Variants in DNM3 observed in about 807,000 individuals in gnomAD.
DNM3 encodes the protein dynamin-3.
In DNM3, 47 loss-of-function variants were observed where a neutral mutation model predicts 101.6. That is an observed-to-expected ratio of 0.46 (90% confidence interval 0.37 to 0.59). The LOEUF (loss-of-function observed/expected upper bound fraction) is 0.59, where lower values mean the gene tolerates loss of function less well. DNM3 is among the 20% of genes least tolerant of loss of function. The pLI, the probability that DNM3 is intolerant of heterozygous loss-of-function variation, is 0.00. For missense variants in DNM3, 849 were observed against 1,085.7 expected (o/e 0.78, Z 3.06); for synonymous variants, 385 against 387.9 (o/e 0.99, Z 0.09).
intron 2 of DNM3, among the ~76,000 whole-genome samples, chr1:171,922,392 C>T (rs1452767269): frequency 6.6e-6 from 1 of 151,486 alleles, no homozygotes; most frequent in Non-Finnish European, 1.5e-5. Context: ...TATTTCTTCT[C>T]TCGTGAATTG....
intron 12 of DNM3, 53 bp from the exon 13 acceptor site, chr1:172,092,771 T>C (rs1244832079): frequency 6.6e-7 from 1 of 1,511,634 alleles, no homozygotes; most frequent in Non-Finnish European, 8.9e-7. Flanking sequence ...GTTACTTGTT[T>C]AGGAAAAAAT....
In DNM3 at chr1:172,062,214, C is replaced by G. The variant is rs2051288483; in HGVS notation, c.1336-6605C>G. ...TTTTAACTGCTCATTAATATGTCTA[C>G]CAGAGATAAACTTGGGAAGAGAGAG... On this transcript the variant is annotated intron_variant, in intron 10 of 20. Transcript: ENST00000627582. Among the ~76,000 whole-genome samples, 4 of 152,162 alleles carry G rather than the reference C, an allele frequency of 2.6e-5. No individual in the cohort carries two copies. The South Asian group carries it at 8.3e-4, about 32-fold the overall frequency.
chr1:172,312,852 A>C (rs1045459024), intron 16 of DNM3, among the ~76,000 whole-genome samples: 1 of 152,154 alleles, frequency 6.6e-6, no homozygotes, highest in Non-Finnish European at 1.5e-5. Context: ...CAGCCCTACT[A>C]TTTTTCCATA....
intron 1 of DNM3, among the ~76,000 whole-genome samples, chr1:171,897,382 A>G (rs1347216176): frequency 6.6e-6 from 1 of 152,248 alleles, no homozygotes. Context: ...AATATTTTAC[A>G]TATTTTTCCC....
At chr1:172,091,484 A>T (rs572067357) in intron 12 of DNM3, among the ~76,000 whole-genome samples, 1 of 152,332 alleles carries the variant, frequency 6.6e-6, no homozygotes, top group South Asian at 2.1e-4. Context: ...CTTGAAAGAG[A>T]TGTTGGGAAC....
rs545425736 is a variant in DNM3 at position 172,407,980 on chromosome 1, G to A, written c.*139G>A. On this transcript the variant is annotated 3_prime_UTR_variant, in exon 21 of 21. Coordinates refer to ENST00000627582, the MANE Select transcript of DNM3 (RefSeq NM_015569.5). ...AACCAGTTTTACTAATGCATTCATC[G>A]CTCATCTTCATTGCTCATGGTATGT... 1.2e-5 allele frequency: 19 copies of A among 1,528,976 alleles called. No individual in the cohort carries two copies. Among genetic ancestry groups the A allele is most frequent in the African/African-American group, 9.6e-5 (7 of 72,968 alleles). The allele number at this position is 1,528,976 out of a possible 1,614,324, so 94.7% of individuals were successfully genotyped here.
At chr1:171,934,212 G>A (rs1401252707) in intron 2 of DNM3, among the ~76,000 whole-genome samples, 2 of 152,262 alleles carry the variant, frequency 1.3e-5, no homozygotes, top group East Asian at 3.9e-4. Context: ...TAACAAATAG[G>A]TGTGTAATTT....
At chr1:172,133,570 G>C (rs2057055515) in intron 14 of DNM3, among the ~76,000 whole-genome samples, 1 of 152,066 alleles carries the variant, frequency 6.6e-6, no homozygotes, top group South Asian at 2.1e-4. Flanking sequence ...AAGAGGAAAT[G>C]ACAAAGTTAC....
At chr1:172,317,118 CA>C (rs1386916547) in intron 16 of DNM3, among the ~76,000 whole-genome samples, 1 of 151,594 alleles carries the variant, frequency 6.6e-6, no homozygotes, top group Non-Finnish European at 1.5e-5. Flanking sequence ...GGAAACTGAA[CA>C]ACCTGCTCCT....
intron 13 of DNM3, among the ~76,000 whole-genome samples, chr1:172,122,710 G>T (rs973900422): frequency 6.6e-6 from 1 of 152,140 alleles, no homozygotes; most frequent in Non-Finnish European, 1.5e-5. Context: ...TGCGTTAAGG[G>T]TGGGGGCTCT....
chr1:172,103,443 G>A (rs570719822), intron 13 of DNM3, among the ~76,000 whole-genome samples: 5 of 152,062 alleles, frequency 3.3e-5, no homozygotes, highest in African/African-American at 4.8e-5. Context: ...ATGTAAATTC[G>A]CAGACATAAA....
intron 14 of DNM3, among the ~76,000 whole-genome samples, chr1:172,232,928 AG>A (rs2061393682): frequency 6.6e-6 from 1 of 152,222 alleles, no homozygotes; most frequent in African/African-American, 2.4e-5. Flanking sequence ...TGCCCACAAG[AG>A]AAAGCAGGAA....
chr1:172,170,507 A>G (rs534881437), intron 14 of DNM3, among the ~76,000 whole-genome samples: 71 of 152,006 alleles, frequency 4.7e-4, no homozygotes, highest in African/African-American at 1.6e-3. Context: ...GTGAATGAAA[A>G]TAGGATTAAA....
At chr1:172,325,942 C>A (rs1190774756) in intron 17 of DNM3, among the ~76,000 whole-genome samples, 1 of 152,142 alleles carries the variant, frequency 6.6e-6, no homozygotes. Flanking sequence ...GAGTAGTGCA[C>A]ACACATGTGC....
At chr1:172,175,449 G>A (rs1331845225) in intron 14 of DNM3, among the ~76,000 whole-genome samples, 1 of 151,670 alleles carries the variant, frequency 6.6e-6, no homozygotes, top group East Asian at 1.9e-4. Flanking sequence ...TGTGCCATGG[G>A]AAAAATAGAG....
intron 2 of DNM3, among the ~76,000 whole-genome samples, chr1:171,956,555 T>A (rs941539662): frequency 1.3e-5 from 2 of 152,138 alleles, no homozygotes; most frequent in Admixed American, 6.5e-5. Flanking sequence ...GCATTGGGTG[T>A]CTGTGGCTTT....
chr1:171,934,210 A>C (rs1049942801), intron 2 of DNM3, among the ~76,000 whole-genome samples: 2 of 152,246 alleles, frequency 1.3e-5, no homozygotes, highest in African/African-American at 2.4e-5. Flanking sequence ...CATAACAAAT[A>C]GGTGTGTAAT....
At chr1:172,228,381 C>A (rs1169016778) in intron 14 of DNM3, among the ~76,000 whole-genome samples, 1 of 152,024 alleles carries the variant, frequency 6.6e-6, no homozygotes, top group East Asian at 1.9e-4. Flanking sequence ...CATAAACTAA[C>A]TTCTCAGGTC....
chr1:172,133,159 G>C (rs2057032429), intron 14 of DNM3: 3 of 1,346,316 alleles, frequency 2.2e-6, no homozygotes, highest in African/African-American at 3.0e-5. Context: ...ACTGCTGTTG[G>C]AGTGTGGCAT....
Sources: gnomAD v4.1 joint callset for allele counts (sites outside exome capture counted in the v4.1 genomes callset) on GRCh38, gnomAD v4.1.1 for gene constraint, MANE v1.5 for transcripts, NCBI Gene and HGNC (gene_info 2026-07-23, HGNC 2026-07-21) for gene names.